The following AGTPBP1 variants were observed in gnomAD, a reference collection of about 807,000 sequenced individuals.
AGTPBP1 encodes cytosolic carboxypeptidase 1.
Under a neutral mutation model 143.9 loss-of-function variants are expected in AGTPBP1, and 70 were observed. The observed-to-expected ratio is 0.49, with a 90% CI of 0.40 to 0.59. AGTPBP1 has a LOEUF of 0.59. Among genes scored for constraint, AGTPBP1 ranks in the 20% least tolerant of loss-of-function variants. AGTPBP1 has a pLI of 0.00. For synonymous variants in AGTPBP1, 463 were observed against 500.2 expected, an observed-to-expected ratio of 0.93 and a Z score of 0.99; for missense variants, 1,229 against 1,464.5, an observed-to-expected ratio of 0.84 and a Z score of 2.62.
At chr9:85,684,104 T>C (rs1189212365) in intron 3 of AGTPBP1, among the ~76,000 whole-genome samples, 2 of 152,182 alleles carry the variant, frequency 1.3e-5, no homozygotes, top group Non-Finnish European at 2.9e-5. Context: ...TCCTTTCACT[T>C]ATCTTAGCTC....
intron 21 of AGTPBP1, 121 bp downstream of exon 21, chr9:85,588,177 A>C (rs1828733224): frequency 1.2e-6 from 1 of 839,352 alleles, no homozygotes. Flanking sequence ...TTTCCCACCA[A>C]AAATTTCTTT....
intron 13 of AGTPBP1, among the ~76,000 whole-genome samples, chr9:85,639,050 T>A (rs1477587802): frequency 6.6e-6 from 1 of 152,134 alleles, no homozygotes; most frequent in Non-Finnish European, 1.5e-5. Flanking sequence ...GTTGATCATA[T>A]CCAAGGCCAT....
At chr9:85,771,067 C>T in the AGTPBP1 span, among the ~76,000 whole-genome samples, 10 of 152,108 alleles carry the variant, frequency 6.6e-5, no homozygotes, top group African/African-American at 1.2e-4. Flanking sequence ...GAACTATATC[C>T]GTCTTTTCTC....
chr9:85,777,473 G>C, the AGTPBP1 span, among the ~76,000 whole-genome samples: 1 of 152,206 alleles, frequency 6.6e-6, no homozygotes, highest in African/African-American at 2.4e-5. Flanking sequence ...GTGAGTGGAA[G>C]TCCATGTTGC....
chr9:85,556,680 G>T (rs909812564), intron 25 of AGTPBP1, among the ~76,000 whole-genome samples: 16 of 152,134 alleles, frequency 1.1e-4, no homozygotes, highest in African/African-American at 3.6e-4. Flanking sequence ...CTACACCAAT[G>T]TAAAACAAAG....
At chr9:85,584,665 A>T (rs989109460) in intron 23 of AGTPBP1, among the ~76,000 whole-genome samples, 2 of 152,160 alleles carry the variant, frequency 1.3e-5, no homozygotes, top group African/African-American at 4.8e-5. Flanking sequence ...AAATTTGTAG[A>T]AATTTTTTCT....
chr9:85,582,364 T>C (rs1048509556), intron 23 of AGTPBP1, among the ~76,000 whole-genome samples: 28 of 152,296 alleles, frequency 1.8e-4, no homozygotes, highest in African/African-American at 6.7e-4. Context: ...TTGAAGAGTA[T>C]TGATTAGTTA....
At chr9:85,727,344 C>A (rs1269769361) in intron 1 of AGTPBP1, among the ~76,000 whole-genome samples, 2 of 151,996 alleles carry the variant, frequency 1.3e-5, no homozygotes, top group Non-Finnish European at 2.9e-5. Flanking sequence ...TAAAAGCAAA[C>A]CCCACTTCAC....
chr9:85,765,914 A>G, the AGTPBP1 span, among the ~76,000 whole-genome samples: 1 of 152,168 alleles, frequency 6.6e-6, no homozygotes, highest in Non-Finnish European at 1.5e-5. Flanking sequence ...GGCGGTTGAA[A>G]GGAACATTAT....
chr9:85,599,502 T>C (rs1011458779), intron 17 of AGTPBP1, among the ~76,000 whole-genome samples: 1 of 152,176 alleles, frequency 6.6e-6, no homozygotes, highest in African/African-American at 2.4e-5. Context: ...ATAGTCATGA[T>C]TGATATTTTT....
chr9:85,799,653 C>CT, the AGTPBP1 span, among the ~76,000 whole-genome samples: 1 of 152,114 alleles, frequency 6.6e-6, no homozygotes, highest in Non-Finnish European at 1.5e-5. Context: ...GTAGCTAGGA[C>CT]TACAGGTGTG....
chr9:85,772,627 C>G, the AGTPBP1 span, among the ~76,000 whole-genome samples: 5,205 of 152,072 alleles, frequency 0.034, 313 homozygotes, highest in African/African-American at 0.12. Flanking sequence ...ATGGCATGTA[C>G]CTGTGGTCCC....
the AGTPBP1 span, among the ~76,000 whole-genome samples, chr9:85,803,311 T>C: frequency 6.6e-6 from 1 of 152,218 alleles, no homozygotes; most frequent in Non-Finnish European, 1.5e-5. Context: ...TTTTGGATAT[T>C]GTTGAGCAAC....
intron 1 of AGTPBP1, among the ~76,000 whole-genome samples, chr9:85,713,786 T>C (rs1360753914): frequency 6.6e-6 from 1 of 152,230 alleles, no homozygotes. Flanking sequence ...TATTTAGAAT[T>C]GTGTACAAAA....
At chr9:85,654,443 T>C (rs544215739) in intron 11 of AGTPBP1, among the ~76,000 whole-genome samples, 1 of 152,298 alleles carries the variant, frequency 6.6e-6, no homozygotes, top group Admixed American at 6.5e-5. Flanking sequence ...GGTGATTAGG[T>C]TGTTTTTTTT....
chr9:85,750,119 T>C, the AGTPBP1 span, among the ~76,000 whole-genome samples: 2 of 152,130 alleles, frequency 1.3e-5, no homozygotes, highest in East Asian at 1.9e-4. Flanking sequence ...CCTGACATTG[T>C]GATCTACCCG....
Position 85,592,570 on chromosome 9 carries a change from G to GA in AGTPBP1, c.2557dup (p.Ser853PhefsTer28). 6.3e-7 allele frequency: 1 copy of GA among 1,593,390 alleles called. No homozygotes were observed. The highest frequency in any genetic ancestry group is 8.5e-7 in the Non-Finnish European group (1 of 1,172,770). On this transcript the variant is annotated frameshift_variant, in exon 19 of 26. Coordinates refer to ENST00000357081, the MANE Select transcript of AGTPBP1 (RefSeq NM_001330701.2). LOFTEE classifies it high-confidence loss of function. ...ATTTAGAGTTCTTACCTGTAAAGTT[G>GA]AATACGTATATGGATAGTGATAAGC...
intron 23 of AGTPBP1, 26 bp from the exon 24 acceptor site, chr9:85,579,122 T>C: frequency 1.3e-6 from 2 of 1,560,788 alleles, no homozygotes; most frequent in Non-Finnish European, 1.7e-6. Flanking sequence ...ATGATGATGA[T>C]AAAATAAACC....
At chr9:85,724,286 CAAAAAA>C (rs56269636) in intron 1 of AGTPBP1, among the ~76,000 whole-genome samples, 1 of 77,788 alleles carries the variant, frequency 1.3e-5, no homozygotes, top group Admixed American at 1.3e-4. Flanking sequence ...GACTTTGTCT[CAAAAAA>C]AAAAAAAAAA....
Sources: allele counts gnomAD v4.1 joint callset (sites outside exome capture counted in the v4.1 genomes callset), GRCh38; gene constraint gnomAD v4.1.1; transcripts MANE v1.5; gene names NCBI Gene and HGNC (gene_info 2026-07-23, HGNC 2026-07-21).